UGGT1: variants seen among roughly 807,000 people sequenced by gnomAD.
The protein encoded by UGGT1 is UDP-glucose glycoprotein glucosyltransferase 1.
UGGT1 carries 107 observed loss-of-function variants against 203.9 expected under a neutral mutation model. The observed-to-expected ratio is 0.52, with a 90% CI of 0.45 to 0.62. The LOEUF is 0.62. Ranked by LOEUF, UGGT1 falls within the 20% of genes least tolerant of loss-of-function variation. The probability of loss-of-function intolerance (pLI) is 0.00; values close to 1 mark genes in which losing one functional copy is unlikely to be tolerated. For synonymous variants in UGGT1, 628 were observed against 653.5 expected (o/e 0.96, Z 0.59); for missense variants, 1,673 against 1,867.2 (o/e 0.90, Z 1.92).
At chr2:128,155,733 A>C (rs2104722480) in intron 20 of UGGT1, 146 bp downstream of exon 20, 1 of 536,378 alleles carries the variant, frequency 1.9e-6, no homozygotes, top group Non-Finnish European at 3.2e-6. Flanking sequence ...TCTAGAACAT[A>C]TCTATTTAAA....
chr2:128,094,949 A>G (rs1475646697), intron 1 of UGGT1, among the ~76,000 whole-genome samples: 2 of 151,962 alleles, frequency 1.3e-5, no homozygotes, highest in East Asian at 3.9e-4. Flanking sequence ...GGGTTTCACC[A>G]CATTGGACAG....
intron 13 of UGGT1, among the ~76,000 whole-genome samples, chr2:128,131,728 A>G (rs916773317): frequency 3.9e-5 from 6 of 152,104 alleles, no homozygotes; most frequent in African/African-American, 1.2e-4. Flanking sequence ...CCCAGGTTCA[A>G]ACGATTCTCC....
intron 18 of UGGT1, 58 bp from the exon 19 acceptor site, chr2:128,152,723 AATT>A: frequency 6.4e-7 from 1 of 1,562,122 alleles, no homozygotes; most frequent in Non-Finnish European, 8.6e-7. Context: ...GTTCCTAATG[AATT>A]ATTATTGCTA....
chr2:128,154,735 A>T lies in UGGT1; in HGVS notation c.2138-754A>T, dbSNP rs78789812. On this transcript the variant is annotated intron_variant, in intron 19 of 40. Transcript: ENST00000259253. The stretch of plus-strand genomic sequence containing the variant: ...TGTAGATGGATGAGCATGTGCACAG[A>T]TGAATAAATGAGTGGGTAGGCAGGC... Among the ~76,000 whole-genome samples, 196 of 152,246 alleles carry T rather than the reference A, an allele frequency of 1.3e-3. 3 individuals are homozygous for T. The East Asian group carries it at 0.037, about 28-fold the overall frequency.
intron 22 of UGGT1, among the ~76,000 whole-genome samples, chr2:128,158,852 G>C (rs13405489): frequency 0.43 from 65,500 of 151,940 alleles, 14,302 homozygotes; most frequent in South Asian, 0.57. Context: ...AGGGTTTGAG[G>C]AGAGCACTGA....
At chr2:128,182,548 A>C (rs574856937) in intron 37 of UGGT1, among the ~76,000 whole-genome samples, 1 of 152,086 alleles carries the variant, frequency 6.6e-6, no homozygotes, top group African/African-American at 2.4e-5. Flanking sequence ...AAAATACAAA[A>C]ATTAGCTGGG....
At chr2:128,170,229 A>G in intron 26 of UGGT1, 59 bp from the exon 27 acceptor site, 1 of 1,493,966 alleles carries the variant, frequency 6.7e-7, no homozygotes, top group Non-Finnish European at 9.3e-7. Context: ...ATATTGTACA[A>G]AAAAAACTTT....
chr2:128,182,908 G>A (rs1276665641), intron 37 of UGGT1, among the ~76,000 whole-genome samples: 2 of 89,056 alleles, frequency 2.2e-5, no homozygotes, highest in East Asian at 5.3e-4. Flanking sequence ...TTGTAACTTG[G>A]CTTTTTTTTT....
intron 26 of UGGT1, among the ~76,000 whole-genome samples, chr2:128,168,494 A>G (rs1690908547): frequency 6.6e-6 from 1 of 152,168 alleles, no homozygotes; most frequent in Non-Finnish European, 1.5e-5. Context: ...TTTTGTATTC[A>G]TCCCACTTAG....
intron 8 of UGGT1, among the ~76,000 whole-genome samples, chr2:128,119,003 A>G (rs990254406): frequency 2.0e-4 from 31 of 152,210 alleles, no homozygotes; most frequent in African/African-American, 7.5e-4. Context: ...GTATAGGTTG[A>G]GTGTCTTTTT....
At chr2:128,162,920 T>G (rs1035370645) in intron 25 of UGGT1, among the ~76,000 whole-genome samples, 1 of 152,186 alleles carries the variant, frequency 6.6e-6, no homozygotes, top group African/African-American at 2.4e-5. Context: ...GCTAAAACTC[T>G]TAGGCTTCCC....
intron 38 of UGGT1, among the ~76,000 whole-genome samples, chr2:128,185,102 T>C (rs1691903745): frequency 6.6e-6 from 1 of 152,208 alleles, no homozygotes; most frequent in African/African-American, 2.4e-5. Context: ...ACATATTTGT[T>C]TATCTTCTGT....
chr2:128,151,359 C>G (rs1373809394), intron 18 of UGGT1: 1 of 454,552 alleles, frequency 2.2e-6, no homozygotes, highest in Non-Finnish European at 4.1e-6. Context: ...GGCCCTGCAA[C>G]CCTACTTTTA....
At chr2:128,132,441 G>A (rs148249698) in intron 13 of UGGT1, among the ~76,000 whole-genome samples, 24 of 152,156 alleles carry the variant, frequency 1.6e-4, no homozygotes, top group African/African-American at 5.5e-4. Context: ...CCAGCTACTC[G>A]GGGGGCTGAG....
intron 26 of UGGT1, among the ~76,000 whole-genome samples, chr2:128,167,680 G>C (rs1323322778): frequency 6.6e-6 from 1 of 152,198 alleles, no homozygotes; most frequent in Non-Finnish European, 1.5e-5. Flanking sequence ...TCCTGTCTCT[G>C]TCACTTTTAG....
At chr2:128,152,648 T>C in intron 18 of UGGT1, 136 bp from the exon 19 acceptor site, 2 of 1,213,824 alleles carry the variant, frequency 1.6e-6, no homozygotes, top group Non-Finnish European at 1.1e-6. Flanking sequence ...ACCAATAACA[T>C]AGTAACTTCT....
rs1428414096 is a variant in UGGT1 at position 128,120,395 on chromosome 2, C to T, written c.912C>T (p.Leu304=). The change falls in exon 9 of 41, where the codon CTC becomes CTT. Residue 304 remains leucine (L), a synonymous_variant. Coordinates refer to ENST00000259253, the MANE Select transcript of UGGT1 (RefSeq NM_020120.4). The part of the protein sequence containing the change: ...HPDLEGQLKE[L]RKHLVESTNE... ...ACCTGGAGGGACAGTTGAAAGAACT[C>T]AGAAAGCATCTTGTAGAGAGCACCA... 2 of 1,613,826 alleles carry T rather than the reference C, an allele frequency of 1.2e-6. No individual in the cohort carries two copies. Among genetic ancestry groups the T allele is most frequent in the Non-Finnish European group, 1.7e-6 (2 of 1,179,958 alleles).
intron 2 of UGGT1, among the ~76,000 whole-genome samples, chr2:128,103,579 A>G (rs1030277956): frequency 6.6e-6 from 1 of 152,158 alleles, no homozygotes; most frequent in Non-Finnish European, 1.5e-5. Flanking sequence ...AACTAGTACT[A>G]GAATCATCAG....
At position 128,148,309 on chromosome 2, in the gene UGGT1, C is replaced by G. The variant is rs143611799; in HGVS notation, c.2016+2342C>G. ...AGAACATTGGTCTCGAACTCCTGTCCTCAAGTGATCCACTCACCTCGGCCT... is the reference window on the plus strand; with the variant it reads ...AGAACATTGGTCTCGAACTCCTGTCGTCAAGTGATCCACTCACCTCGGCCT... On this transcript the variant is annotated intron_variant, in intron 18 of 40. Transcript: ENST00000259253. Among the ~76,000 whole-genome samples, 35 of 152,296 alleles carry G rather than the reference C, an allele frequency of 2.3e-4. No individual in the cohort carries two copies. In the East Asian group the frequency reaches 6.8e-3, roughly 29 times the overall value.
Sources: gnomAD v4.1 joint callset for allele counts (sites outside exome capture counted in the v4.1 genomes callset) on GRCh38, gnomAD v4.1.1 for gene constraint, MANE v1.5 for transcripts, NCBI Gene and HGNC (gene_info 2026-07-23, HGNC 2026-07-21) for gene names.